Variants in KPNA4 observed in about 807,000 individuals in gnomAD.
The protein encoded by KPNA4 is karyopherin subunit alpha 4.
In KPNA4, 13 loss-of-function variants were observed where a neutral mutation model predicts 71.3. The ratio of observed to expected loss-of-function variants is 0.18; its 90% confidence interval spans 0.12 to 0.29. KPNA4 has a LOEUF of 0.29. KPNA4 is among the 10% of genes least tolerant of loss of function. The pLI, the probability that KPNA4 is intolerant of heterozygous loss-of-function variation, is 1.00. For synonymous variants in KPNA4, 189 were observed against 195.2 expected, an observed-to-expected ratio of 0.97 and a Z score of 0.26; for missense variants, 334 against 603.2, an observed-to-expected ratio of 0.55 and a Z score of 4.67.
rs71628425 is a variant in KPNA4 at position 160,535,900 on chromosome 3, T to TAAA, written c.115-6_115-4dup. 0.034 allele frequency: 10,796 copies of TAAA among 316,232 alleles called. 43 individuals carry two copies. The highest frequency in any genetic ancestry group is 0.067 in the African/African-American group (1,547 of 23,108). The allele number at this position is 316,232 out of a possible 1,614,324, so 19.6% of individuals were successfully genotyped here. A position where few individuals can be genotyped will look rare whatever the true frequency, so the allele number is the denominator to read the frequency against. ...AAGAGATGTTCATCTCTTTTATTCT[T>TAAA]AAAAAAAAAAAAAAAAAAAAAAAAA... On this transcript the variant is annotated splice_polypyrimidine_tract_variant and splice_region_variant and intron_variant, in intron 2 of 16. Coordinates refer to ENST00000334256, the MANE Select transcript of KPNA4 (RefSeq NM_002268.5).
intron 8 of KPNA4, among the ~76,000 whole-genome samples, chr3:160,527,705 C>T (rs1033335770): frequency 2.6e-5 from 4 of 152,116 alleles, no homozygotes; most frequent in Non-Finnish European, 5.9e-5. Context: ...AAATTGTATA[C>T]ATCTTGCATA....
intron 10 of KPNA4, among the ~76,000 whole-genome samples, chr3:160,522,561 C>A (rs866879260): frequency 8.5e-5 from 13 of 152,100 alleles, no homozygotes; most frequent in Admixed American, 1.3e-4. Context: ...GGGTTCATGC[C>A]ATTCTCCTGC....
At chr3:160,536,241 T>C (rs1158131930) in intron 2 of KPNA4, among the ~76,000 whole-genome samples, 1 of 152,078 alleles carries the variant, frequency 6.6e-6, no homozygotes, top group African/African-American at 2.4e-5. Flanking sequence ...ACTAAACCAT[T>C]TTATACATGA....
intron 1 of KPNA4, among the ~76,000 whole-genome samples, chr3:160,563,292 G>T (rs1722280886): frequency 6.6e-6 from 1 of 152,194 alleles, no homozygotes; most frequent in Non-Finnish European, 1.5e-5. Flanking sequence ...TTAAAAAAGA[G>T]CACAAATTGT....
intron 16 of KPNA4, among the ~76,000 whole-genome samples, chr3:160,503,223 C>G (rs905404522): frequency 6.6e-6 from 1 of 152,064 alleles, no homozygotes; most frequent in African/African-American, 2.4e-5. Context: ...GAAAGTGAAT[C>G]TTTGGTATAT....
At chr3:160,523,208 C>T (rs531336595) in intron 10 of KPNA4, among the ~76,000 whole-genome samples, 9 of 152,294 alleles carry the variant, frequency 5.9e-5, no homozygotes, top group Middle Eastern at 3.4e-3. Flanking sequence ...TAGTGGCTCA[C>T]GCCTGTAACC....
At chr3:160,546,895 A>AT (rs1721922408) in intron 1 of KPNA4, among the ~76,000 whole-genome samples, 1 of 152,210 alleles carries the variant, frequency 6.6e-6, no homozygotes, top group East Asian at 1.9e-4. Flanking sequence ...TCTACAAAAC[A>AT]TTAAATTTTC....
chr3:160,509,657 C>G, intron 14 of KPNA4, 143 bp downstream of exon 14: 1 of 642,902 alleles, frequency 1.6e-6, no homozygotes, highest in South Asian at 1.8e-5. Context: ...GTCACAAAAC[C>G]CTGGCCTCGG....
At chr3:160,522,343 A>G (rs1721365693) in intron 10 of KPNA4, among the ~76,000 whole-genome samples, 6 of 152,248 alleles carry the variant, frequency 3.9e-5, no homozygotes, top group Admixed American at 3.9e-4. Context: ...GGAGTTCTCT[A>G]GTATTGTAAG....
intron 11 of KPNA4, among the ~76,000 whole-genome samples, chr3:160,518,326 G>A (rs1467092360): frequency 9.3e-5 from 14 of 150,358 alleles, no homozygotes; most frequent in African/African-American, 3.4e-4. Context: ...TAGTAGAGAC[G>A]GGGTTTCACC....
chr3:160,534,695 C>T lies in KPNA4; in HGVS notation c.287+818G>A, dbSNP rs529378313. Among the ~76,000 whole-genome samples the T allele has an allele frequency of 5.1e-4, 63 of 124,698 alleles. 1 individual carries two copies. Among genetic ancestry groups the T allele is most frequent in the East Asian group, 1.8e-3 (8 of 4,516 alleles). 81.8% of individuals were successfully genotyped at this position (124,698 alleles called of 152,430 possible). ...TTGCGCCACTGGACTCCAGCCTGGG[C>T]GACAGAGTGAGACTCCATCTCAGAA... is the stretch of plus-strand genomic sequence containing the variant. On this transcript the variant is annotated intron_variant, in intron 5 of 16. Transcript: ENST00000334256.
intron 2 of KPNA4, 52 bp downstream of exon 2, chr3:160,536,744 T>C: frequency 9.5e-7 from 1 of 1,057,824 alleles, no homozygotes; most frequent in Non-Finnish European, 1.4e-6. Context: ...TATATAATGC[T>C]ATAATGTTGT....
At chr3:160,547,355 T>C (rs1002778951) in intron 1 of KPNA4, among the ~76,000 whole-genome samples, 9 of 152,214 alleles carry the variant, frequency 5.9e-5, no homozygotes, top group East Asian at 1.9e-4. Flanking sequence ...GTGTTTCTAC[T>C]GCATATCACC....
rs10666878 is a variant in KPNA4 at position 160,511,714 on chromosome 3, T to TTA, written c.1138-1845_1138-1844dup. Among the ~76,000 whole-genome samples the TTA allele has an allele frequency of 2.0e-3, 289 of 146,508 alleles. 1 individual carries two copies. Among genetic ancestry groups the TTA allele is most frequent in the African/African-American group, 5.2e-3 (210 of 40,374 alleles). The stretch of plus-strand genomic sequence containing the variant: ...CAGGGGCAATACGGCTTTGTTATTT[T>TTA]TATATATATATATATAAATATATTT... On this transcript the variant is annotated intron_variant, in intron 13 of 16. Transcript: ENST00000334256.
intron 15 of KPNA4, 43 bp from the exon 16 acceptor site, chr3:160,505,095 G>A: frequency 1.9e-6 from 2 of 1,026,622 alleles, no homozygotes; most frequent in Non-Finnish European, 2.8e-6. Context: ...AATATTTAAA[G>A]AGCAGTGACA....
chr3:160,523,429 A>G (rs927780203), intron 10 of KPNA4, among the ~76,000 whole-genome samples: 2 of 152,218 alleles, frequency 1.3e-5, no homozygotes, highest in South Asian at 4.2e-4. Flanking sequence ...ATAAAAAAAT[A>G]AGATAAAAAA....
At chr3:160,536,886 C>T (rs1273070132) in intron 1 of KPNA4, 46 bp from the exon 2 acceptor site, 1 of 1,153,156 alleles carries the variant, frequency 8.7e-7, no homozygotes, top group Non-Finnish European at 1.3e-6. Context: ...ACCTCAAATT[C>T]CATTATCCAG....
At chr3:160,552,142 G>C (rs1228210926) in intron 1 of KPNA4, among the ~76,000 whole-genome samples, 1 of 151,972 alleles carries the variant, frequency 6.6e-6, no homozygotes, top group African/African-American at 2.4e-5. Flanking sequence ...AATATGTTTG[G>C]AAAAATGTAC....
rs1431673421 is a variant in KPNA4 at position 160,499,717 on chromosome 3, T to A, written c.*2387A>T. 6.6e-6 allele frequency: 1 copy of A among 152,170 alleles called. No individual in the cohort carries two copies. The allele number at this position is 152,170 out of a possible 1,614,324, so 9.4% of individuals were successfully genotyped here. ...ACTGTTCTATACAATAATTTGTATATAAAATTTGTATACAAGCTCATTGGC... is the reference window on the plus strand; with the variant it reads ...ACTGTTCTATACAATAATTTGTATAAAAAATTTGTATACAAGCTCATTGGC... On this transcript the variant is annotated 3_prime_UTR_variant, in exon 17 of 17. Coordinates refer to ENST00000334256, the MANE Select transcript of KPNA4 (RefSeq NM_002268.5).
Sources: gnomAD v4.1 joint callset for allele counts (sites outside exome capture counted in the v4.1 genomes callset) on GRCh38, gnomAD v4.1.1 for gene constraint, MANE v1.5 for transcripts, NCBI Gene and HGNC (gene_info 2026-07-23, HGNC 2026-07-21) for gene names.